ZNF488: variants seen among roughly 807,000 people sequenced by gnomAD.
ZNF488 encodes zinc finger protein 488.
In ZNF488, 1 loss-of-function variant was observed where a neutral mutation model predicts 1.2. That is an observed-to-expected ratio of 0.86 (90% CI 0.30 to 4.07). ZNF488 has a LOEUF of 4.07. Among genes scored for constraint, ZNF488 ranks in the 30% most tolerant of loss-of-function variants. The pLI is 0.18. For synonymous variants in ZNF488, 185 were observed against 190.1 expected (o/e 0.97, Z 0.22); for missense variants, 450 against 437.9 (o/e 1.03, Z -0.25).
chr10:47,374,998 T>C (rs1186688377), intron 1 of ZNF488, among the ~76,000 whole-genome samples: 3 of 152,218 alleles, frequency 2.0e-5, no homozygotes, highest in Non-Finnish European at 4.4e-5. Context: ...ACTGAACCAA[T>C]GACAGTATCT....
Position 47,367,585 on chromosome 10 carries a change from C to T in ZNF488, c.*222G>A, listed in dbSNP as rs1837262376. 1 of 616,582 alleles carries T rather than the reference C, an allele frequency of 1.6e-6. No homozygotes were observed. The highest frequency in any genetic ancestry group is 2.3e-5 in the South Asian group (1 of 44,444). 38.2% of individuals were successfully genotyped at this position (616,582 alleles called of 1,614,324 possible). ...TCTCTGTGCCTGTTAGGGCCTCTAC[C>T]CTGGATTTGCAAAGCCCATCACTTT... is the stretch of plus-strand genomic sequence containing the variant. On this transcript the variant is annotated 3_prime_UTR_variant, in exon 2 of 2. Transcript: ENST00000585316.
In ZNF488 at chr10:47,368,280, C is replaced by G; in HGVS notation, c.550G>C (p.Glu184Gln). ...PELTSVFPAGESADALGELSG... is the reference protein window; with the variant it reads ...PELTSVFPAGQSADALGELSG... ...AGCTCCCCCAGGGCATCTGCAGATTCCCCTGCAGGGAAGACTGAGGTTAGC... is the reference window on the plus strand; with the variant it reads ...AGCTCCCCCAGGGCATCTGCAGATTGCCCTGCAGGGAAGACTGAGGTTAGC... Residue 184 changes from glutamate to glutamine, a missense_variant, in exon 2 of 2, where the codon GAA becomes CAA. Transcript: ENST00000585316. 6.2e-7 allele frequency: 1 copy of G among 1,614,234 alleles called. No individual in the cohort carries two copies. Among genetic ancestry groups the G allele is most frequent in the African/African-American group, 1.3e-5 (1 of 75,072 alleles).
rs781792582 is a variant in ZNF488, at chr10:47,367,966, G to A, written c.864C>T (p.Ser288=). 6.2e-6 allele frequency: 10 copies of A among 1,613,982 alleles called. No individual in the cohort carries two copies. Among genetic ancestry groups the A allele is most frequent in the African/African-American group, 4.0e-5 (3 of 74,898 alleles). Residue 288 remains serine (S), a synonymous_variant, in exon 2 of 2, where the codon TCC becomes TCT. Coordinates refer to ENST00000585316, the MANE Select transcript of ZNF488 (RefSeq NM_153034.4). The part of the protein sequence containing the change: ...AKCNLSFRLT[S]DLVFHMRSHH... ...GGGATCGCATGTGAAAGACCAGGTC[G>A]GACGTTAGGCGAAAGGACAGGTTGC... is the stretch of plus-strand genomic sequence containing the variant.
At chr10:47,375,077 T>C (rs1555214266) in intron 1 of ZNF488, among the ~76,000 whole-genome samples, 1 of 152,232 alleles carries the variant, frequency 6.6e-6, no homozygotes. Flanking sequence ...CAATTCTGTC[T>C]GAAGGTTTTC....
chr10:47,370,907 G>A (rs1424517059), intron 1 of ZNF488, among the ~76,000 whole-genome samples: 2 of 152,186 alleles, frequency 1.3e-5, no homozygotes, highest in African/African-American at 2.4e-5. Context: ...TCCCTCTTCC[G>A]TTCATTCCGC....
At chr10:47,372,058 G>A (rs1457866375) in intron 1 of ZNF488, among the ~76,000 whole-genome samples, 1 of 152,186 alleles carries the variant, frequency 6.6e-6, no homozygotes, top group Non-Finnish European at 1.5e-5. Context: ...TAGGCAAAGT[G>A]CATTTCATTT....
intron 1 of ZNF488, among the ~76,000 whole-genome samples, chr10:47,378,174 G>A (rs781815693): frequency 6.6e-6 from 1 of 152,174 alleles, no homozygotes; most frequent in Non-Finnish European, 1.5e-5. Flanking sequence ...CTGCTCCCCT[G>A]GCAGAGCTTC....
chr10:47,380,712 G>C (rs573172682), intron 1 of ZNF488, among the ~76,000 whole-genome samples: 1 of 56,090 alleles, frequency 1.8e-5, no homozygotes, highest in Non-Finnish European at 3.9e-5. Flanking sequence ...GGTAACCTTC[G>C]AGCCTTCCAT....
chr10:47,382,380 T>C (rs1239099778), intron 1 of ZNF488, among the ~76,000 whole-genome samples: 6 of 118,904 alleles, frequency 5.0e-5, no homozygotes, highest in Non-Finnish European at 9.2e-5. Flanking sequence ...GATGTTCTTA[T>C]AGAGGCACAG....
chr10:47,382,208 A>C (rs1477131335), intron 1 of ZNF488, among the ~76,000 whole-genome samples: 1 of 152,282 alleles, frequency 6.6e-6, no homozygotes, highest in African/African-American at 2.4e-5. Flanking sequence ...AAGGAACAGC[A>C]GCTCTTTTCC....
In ZNF488 at chr10:47,368,005, G is replaced by A. The variant is rs782013836; in HGVS notation, c.825C>T (p.Asn275=). The part of the protein sequence containing the change: ...TLTSLGLSTQ[N]WCAKCNLSFR... ...AGGACAGGTTGCACTTTGCACACCA[G>A]TTCTGGGTGGACAAGCCCAGGGAGG... Residue 275 remains asparagine, a synonymous_variant, in exon 2 of 2, where the codon AAC becomes AAT. Transcript: ENST00000585316. 11 of 1,614,182 alleles carry A rather than the reference G, an allele frequency of 6.8e-6. No homozygotes were observed. The East Asian group carries it at 2.5e-4, about 36-fold the overall frequency.
chr10:47,375,950 G>T (rs145812332), intron 1 of ZNF488, among the ~76,000 whole-genome samples: 158 of 152,278 alleles, frequency 1.0e-3, no homozygotes, highest in African/African-American at 3.6e-3. Flanking sequence ...GACAAGAGTG[G>T]GTTAGACGTA....
rs782673537 is a variant in ZNF488, at chr10:47,368,445, G to T, written c.385C>A (p.Pro129Thr). ...TTCTGGGTCAGCTGTGGGGCACCAG[G>T]TTGGCCTGTGGGGTCATCGTGCTCC... The part of the protein sequence containing the change: ...EREHDDPTGQ[P>T]GAPQLTQNIP... The change falls in exon 2 of 2, where the codon CCT becomes ACT. Residue 129 changes from proline (P) to threonine (T), a missense_variant. Transcript: ENST00000585316. The T allele has an allele frequency of 1.2e-6, 2 of 1,614,098 alleles. No individual in the cohort carries two copies. The highest frequency in any genetic ancestry group is 3.3e-5 in the Admixed American group (2 of 60,018).
rs1837251416 is a variant in ZNF488 at position 47,367,238 on chromosome 10, T to G, written c.*569A>C. 6.0e-6 allele frequency: 1 copy of G among 167,646 alleles called. No homozygotes were observed. The highest frequency in any genetic ancestry group is 1.5e-5 in the Non-Finnish European group (1 of 68,562). 10.4% of individuals were successfully genotyped at this position (167,646 alleles called of 1,614,324 possible). ...TGAGCCAACCCACAGACTCACGACTTAGGCAGATGCTTTAGCTTGTCTGCC... is the reference window on the plus strand; with the variant it reads ...TGAGCCAACCCACAGACTCACGACTGAGGCAGATGCTTTAGCTTGTCTGCC... On this transcript the variant is annotated 3_prime_UTR_variant, in exon 2 of 2. Coordinates refer to ENST00000585316, the MANE Select transcript of ZNF488 (RefSeq NM_153034.4).
At chr10:47,383,404 C>A (rs1007490293) in intron 1 of ZNF488, among the ~76,000 whole-genome samples, 6 of 152,212 alleles carry the variant, frequency 3.9e-5, no homozygotes, top group African/African-American at 1.2e-4. Flanking sequence ...TGCTCTGAAT[C>A]CTGTCCCCTC....
rs558820875 is a variant in ZNF488 at position 47,373,542 on chromosome 10, A to G, written c.-108-4605T>C. On this transcript the variant is annotated intron_variant, in intron 1 of 1. Transcript: ENST00000585316. The stretch of plus-strand genomic sequence containing the variant: ...ATGAGTGGGAACATAATGCATTTAA[A>G]TAGGATAATAATATCTAGAAGGAGG... 3.3e-5 allele frequency among the ~76,000 whole-genome samples: 5 copies of G among 152,348 alleles called. No individual in the cohort carries two copies. In the South Asian group the frequency reaches 1.0e-3, roughly 32 times the overall value.
At position 47,365,530 on chromosome 10, in the gene ZNF488, T is replaced by C. The variant is rs1435312959; in HGVS notation, c.*2277A>G. On this transcript the variant is annotated 3_prime_UTR_variant, in exon 2 of 2. Transcript: ENST00000585316. ...CAATATTTATTATGCACCAACAATA[T>C]GCCATGCCCTGTTCTGGGCACCAGG... The C allele has an allele frequency of 2.4e-5, 4 of 167,108 alleles. No individual in the cohort carries two copies. Among genetic ancestry groups the C allele is most frequent in the African/African-American group, 7.2e-5 (3 of 41,448 alleles). 10.4% of individuals were successfully genotyped at this position (167,108 alleles called of 1,614,324 possible).
Position 47,372,407 on chromosome 10 carries a change from C to T in ZNF488, c.-108-3470G>A, listed in dbSNP as rs182552699. On this transcript the variant is annotated intron_variant, in intron 1 of 1. Transcript: ENST00000585316. ...CCGGTGATGCTCAGGGGAGGGACAC[C>T]CTCCTGTCAGCCCTCCCCACCCACC... Among the ~76,000 whole-genome samples, 411 of 152,242 alleles carry T rather than the reference C, an allele frequency of 2.7e-3. 5 individuals are homozygous for T. Among genetic ancestry groups the T allele is most frequent in the African/African-American group, 9.1e-3 (380 of 41,540 alleles).
chr10:47,383,914 T>C (rs1021486287), intron 1 of ZNF488, among the ~76,000 whole-genome samples: 1 of 148,076 alleles, frequency 6.8e-6, no homozygotes, highest in Non-Finnish European at 1.5e-5. Context: ...GGGAGAAGAA[T>C]AAACAAAGAG....
Sources: gnomAD v4.1 joint callset for allele counts (sites outside exome capture counted in the v4.1 genomes callset) on GRCh38, gnomAD v4.1.1 for gene constraint, MANE v1.5 for transcripts, NCBI Gene and HGNC (gene_info 2026-07-23, HGNC 2026-07-21) for gene names.